NFASC: variants seen among roughly 807,000 people sequenced by gnomAD.
NFASC encodes neurofascin.
A neutral mutation model predicts 147.5 loss-of-function variants in NFASC; 43 were observed. The observed-to-expected ratio is 0.29, with a 90% CI of 0.23 to 0.38. NFASC has a LOEUF of 0.38. NFASC is among the 10% of genes least tolerant of loss of function. The pLI is 1.00. For synonymous variants in NFASC, 622 were observed against 665.5 expected (o/e 0.93, Z 1.01); for missense variants, 1,320 against 1,689.0 (o/e 0.78, Z 3.83).
At chr1:204,856,382 GGTGTGTGTGTGTGTGTGT>G (rs57653534) in intron 1 of NFASC, among the ~76,000 whole-genome samples, 4 of 139,692 alleles carry the variant, frequency 2.9e-5, no homozygotes, top group African/African-American at 8.0e-5. Flanking sequence ...ATGCAGAACA[GGTGTGTGTGTGTGTGTGT>G]GTGTGTGTGT....
intron 8 of NFASC, among the ~76,000 whole-genome samples, chr1:204,959,498 C>T (rs994246318): frequency 1.3e-5 from 2 of 152,202 alleles, no homozygotes; most frequent in Non-Finnish European, 2.9e-5. Flanking sequence ...CCCAGGACCT[C>T]GGAGTGGCCT....
chr1:204,879,013 A>G (rs562785610), intron 1 of NFASC, among the ~76,000 whole-genome samples: 1 of 152,340 alleles, frequency 6.6e-6, no homozygotes, highest in Admixed American at 6.5e-5. Context: ...CTGAGTGGAA[A>G]AAAAGAAGGT....
chr1:204,851,039 T>C (rs960310435), intron 1 of NFASC, among the ~76,000 whole-genome samples: 4 of 152,196 alleles, frequency 2.6e-5, no homozygotes, highest in Non-Finnish European at 5.9e-5. Flanking sequence ...ATCAAGATGT[T>C]TCAGTACTAA....
chr1:204,831,087 AC>A (rs1268542375), intron 1 of NFASC, among the ~76,000 whole-genome samples: 2 of 152,116 alleles, frequency 1.3e-5, no homozygotes, highest in Non-Finnish European at 2.9e-5. Context: ...AGAAAGCATT[AC>A]CTGCAGCCGT....
chr1:204,876,351 G>GA (rs554482617), intron 1 of NFASC, among the ~76,000 whole-genome samples: 1 of 151,714 alleles, frequency 6.6e-6, no homozygotes, highest in Non-Finnish European at 1.5e-5. Flanking sequence ...CAGCTCTAGG[G>GA]AAAAAAAGAT....
At chr1:204,893,594 C>T (rs1039428452) in intron 1 of NFASC, among the ~76,000 whole-genome samples, 8 of 152,288 alleles carry the variant, frequency 5.3e-5, no homozygotes, top group East Asian at 1.9e-4. Context: ...CCATGGTGAG[C>T]CGTGTGTTCT....
chr1:204,857,022 T>C (rs1412100588), intron 1 of NFASC, among the ~76,000 whole-genome samples: 1 of 152,214 alleles, frequency 6.6e-6, no homozygotes, highest in East Asian at 1.9e-4. Flanking sequence ...CTGCTTTCGA[T>C]TCTTTGGGGC....
intron 5 of NFASC, among the ~76,000 whole-genome samples, chr1:204,953,588 G>A (rs1021577188): frequency 2.6e-5 from 4 of 152,120 alleles, no homozygotes; most frequent in African/African-American, 7.2e-5. Context: ...GAGCCACCGC[G>A]CCCGGCCAAA....
At chr1:204,902,532 CT>C (rs2084856390) in intron 1 of NFASC, among the ~76,000 whole-genome samples, 1 of 151,636 alleles carries the variant, frequency 6.6e-6, no homozygotes, top group Non-Finnish European at 1.5e-5. Context: ...GAGTCATTGT[CT>C]TTTAGACATA....
In NFASC at chr1:204,979,264, G is replaced by C. The variant is rs1173348569; in HGVS notation, c.1979-98G>C. The stretch of plus-strand genomic sequence containing the variant: ...TCTCCTTGTGCCTTTGTGTGAGAGA[G>C]ATTATAAAGATCAATGGAAGCCAAG... On this transcript the variant is annotated intron_variant, in intron 18 of 29. Coordinates refer to ENST00000339876, the MANE Select transcript of NFASC (RefSeq NM_001005388.3). This position sits in a 1 kb window ranked among gnomAD's most constrained non-coding sequence, Gnocchi z 6.0. 1 of 1,111,036 alleles carries C rather than the reference G, an allele frequency of 9.0e-7. No homozygotes were observed. The highest frequency in any genetic ancestry group is 1.4e-6 in the Non-Finnish European group (1 of 727,238). The allele number at this position is 1,111,036 out of a possible 1,614,324, so 68.8% of individuals were successfully genotyped here.
chr1:205,008,679 C>G (rs1046527838), intron 27 of NFASC: 1 of 152,652 alleles, frequency 6.6e-6, no homozygotes, highest in Non-Finnish European at 1.5e-5. Flanking sequence ...TCAGGCCGTC[C>G]TGCAGGCCTT....
At chr1:204,919,274 C>T (rs2089972508) in intron 1 of NFASC, among the ~76,000 whole-genome samples, 1 of 152,310 alleles carries the variant, frequency 6.6e-6, no homozygotes, top group Admixed American at 6.5e-5. Context: ...ATCTGCCTGC[C>T]TCAGCCTCCC....
At chr1:204,906,347 G>A (rs892482459) in intron 1 of NFASC, among the ~76,000 whole-genome samples, 1 of 152,074 alleles carries the variant, frequency 6.6e-6, no homozygotes, top group Admixed American at 6.5e-5. Context: ...AAGTTCTCTT[G>A]TACCCTTTTT....
At chr1:204,894,185 AT>A (rs2082957360) in intron 1 of NFASC, among the ~76,000 whole-genome samples, 1 of 152,248 alleles carries the variant, frequency 6.6e-6, no homozygotes, top group South Asian at 2.1e-4. Context: ...GATTAAAAAA[AT>A]ATTTGTCAAA....
Position 204,975,115 on chromosome 1 carries a change from C to T in NFASC, c.1559-156C>T, listed in dbSNP as rs545220600. On this transcript the variant is annotated intron_variant, in intron 14 of 29. Transcript: ENST00000339876. The surrounding 1 kb of genome is among the most constrained non-coding windows in gnomAD (Gnocchi z 4.0). The stretch of plus-strand genomic sequence containing the variant: ...CATTATCTGCTTTGGGGATTACCCA[C>T]CCAGAACTCTGCTCCGTTCATACCA... Among the ~76,000 whole-genome samples the T allele has an allele frequency of 1.3e-5, 2 of 152,244 alleles. No individual in the cohort carries two copies. The highest frequency in any genetic ancestry group is 4.8e-5 in the African/African-American group (2 of 41,464).
Position 204,954,229 on chromosome 1 carries a change from A to C in NFASC, c.257A>C (p.Lys86Thr). ...TRNSRFFNIAKDPRVSMRRRS... is the reference protein window; with the variant it reads ...TRNSRFFNIATDPRVSMRRRS... ...AACAGCAGATTCTTCAACATCGCCA[A>C]GGACCCCCGGGTGTCCATGAGGAGG... The change falls in exon 6 of 30, where the codon AAG becomes ACG. Residue 86 changes from lysine to threonine, a missense_variant. Physicochemically the swap from Lys to Thr is moderately conservative, Grantham distance 78 (BLOSUM62 -1). Around this residue, in one of 3 missense-constraint regions of NFASC, gnomAD observed 981 missense variants for 1,289.5 expected, o/e 0.76. Transcript: ENST00000339876. This position sits in a 1 kb window ranked among gnomAD's most constrained non-coding sequence, Gnocchi z 5.7. 1 of 1,614,214 alleles carries C rather than the reference A, an allele frequency of 6.2e-7. No individual in the cohort carries two copies. The highest frequency in any genetic ancestry group is 8.5e-7 in the Non-Finnish European group (1 of 1,180,038).
In NFASC at chr1:205,016,156, G is replaced by A; in HGVS notation, c.3492-152G>A. 1 of 668,414 alleles carries A rather than the reference G, an allele frequency of 1.5e-6. No individual in the cohort carries two copies. Among genetic ancestry groups the A allele is most frequent in the Non-Finnish European group, 2.7e-6 (1 of 373,922 alleles). 41.4% of individuals were successfully genotyped at this position (668,414 alleles called of 1,614,324 possible). On this transcript the variant is annotated intron_variant, in intron 29 of 29. Coordinates refer to ENST00000339876, the MANE Select transcript of NFASC (RefSeq NM_001005388.3). This position sits in a 1 kb window ranked among gnomAD's most constrained non-coding sequence, Gnocchi z 5.1. ...CTCTCTAGGCCTCCATTTCCCTTCT[G>A]CAAAGCAGGCTGGACAGGGGAGGGT...
intron 1 of NFASC, among the ~76,000 whole-genome samples, chr1:204,913,383 C>A (rs2088208549): frequency 1.3e-5 from 2 of 151,850 alleles, no homozygotes; most frequent in African/African-American, 2.4e-5. Flanking sequence ...CAAGAGTAAG[C>A]AGAAAAAATT....
At chr1:204,877,011 T>TA (rs2078972053) in intron 1 of NFASC, among the ~76,000 whole-genome samples, 1 of 110,850 alleles carries the variant, frequency 9.0e-6, no homozygotes, top group Admixed American at 1.2e-4. Flanking sequence ...TATATATATA[T>TA]ATATATATAT....
Sources: gnomAD v4.1 joint callset for allele counts (sites outside exome capture counted in the v4.1 genomes callset) on GRCh38, gnomAD v4.1.1 for gene constraint, gnomAD v4.1.1 regional missense constraint, Gnocchi (gnomAD v3.1) non-coding constraint, MANE v1.5 for transcripts, NCBI Gene and HGNC (gene_info 2026-07-23, HGNC 2026-07-21) for gene names.